The following SPMIP2 variants were observed in gnomAD, a reference collection of about 807,000 sequenced individuals.
SPMIP2 encodes sperm microtubule inner protein 2.
the SPMIP2 span, among the ~76,000 whole-genome samples, chr4:159,040,533 A>G: frequency 1.3e-5 from 2 of 151,426 alleles, no homozygotes; most frequent in Non-Finnish European, 2.9e-5. Flanking sequence ...TGGTGGGACC[A>G]TAGCTCACTA....
the SPMIP2 span, among the ~76,000 whole-genome samples, chr4:158,899,481 G>A: frequency 2.6e-5 from 4 of 152,166 alleles, no homozygotes. Flanking sequence ...ATCTGGTCCT[G>A]GACATTTTTT....
chr4:158,969,152 G>A, the SPMIP2 span, among the ~76,000 whole-genome samples: 1 of 152,158 alleles, frequency 6.6e-6, no homozygotes, highest in Non-Finnish European at 1.5e-5. Context: ...AAAACCAAAT[G>A]ACTTAAATCA....
the SPMIP2 span, among the ~76,000 whole-genome samples, chr4:159,038,950 C>A: frequency 2.7e-4 from 41 of 152,022 alleles, no homozygotes; most frequent in East Asian, 7.5e-3. Flanking sequence ...TAATGAGGAC[C>A]CCTGATGGTT....
the SPMIP2 span, among the ~76,000 whole-genome samples, chr4:158,982,750 A>C: frequency 6.6e-6 from 1 of 152,222 alleles, no homozygotes; most frequent in African/African-American, 2.4e-5. Flanking sequence ...TTATAGAGTA[A>C]ATGTCCACAG....
chr4:158,993,333 C>CTCCAT, the SPMIP2 span, among the ~76,000 whole-genome samples: 1 of 151,736 alleles, frequency 6.6e-6, no homozygotes, highest in East Asian at 1.9e-4. Flanking sequence ...TGCCACTGCA[C>CTCCAT]TCCAGCCTGG....
chr4:158,964,943 A>T, the SPMIP2 span, among the ~76,000 whole-genome samples: 10 of 152,308 alleles, frequency 6.6e-5, no homozygotes, highest in South Asian at 2.1e-3. Context: ...ACCTCCCACC[A>T]GGTCCTTTCC....
chr4:158,953,588 G>A, the SPMIP2 span, among the ~76,000 whole-genome samples: 8 of 152,290 alleles, frequency 5.3e-5, no homozygotes, highest in South Asian at 1.0e-3. Context: ...TGAGGAGAGG[G>A]CAACTGTCCT....
the SPMIP2 span, among the ~76,000 whole-genome samples, chr4:158,949,740 T>C: frequency 6.6e-6 from 1 of 152,224 alleles, no homozygotes; most frequent in Non-Finnish European, 1.5e-5. Flanking sequence ...CTCAATTCTG[T>C]GCTCTTTCAA....
chr4:158,900,843 T>G, the SPMIP2 span, among the ~76,000 whole-genome samples: 1 of 152,358 alleles, frequency 6.6e-6, no homozygotes, highest in East Asian at 1.9e-4. Context: ...GATTTAAGGT[T>G]AATATTGTTA....
At chr4:158,973,352 A>T in the SPMIP2 span, 1,031 of 1,254,710 alleles carry the variant, frequency 8.2e-4, 6 homozygotes, top group African/African-American at 0.013. Flanking sequence ...TCCACACTTT[A>T]TTCTAAGATA....
At chr4:158,988,984 C>T in the SPMIP2 span, among the ~76,000 whole-genome samples, 1 of 152,078 alleles carries the variant, frequency 6.6e-6, no homozygotes, top group Non-Finnish European at 1.5e-5. Context: ...TTTACAAAAC[C>T]CCACAGTCTC....
chr4:159,012,147 G>GT, the SPMIP2 span, among the ~76,000 whole-genome samples: 3 of 152,096 alleles, frequency 2.0e-5, no homozygotes, highest in Admixed American at 6.5e-5. Context: ...GCCAAGAACA[G>GT]TAGTTCCATG....
the SPMIP2 span, chr4:159,035,236 T>C: frequency 1.6e-6 from 1 of 643,944 alleles, no homozygotes; most frequent in South Asian, 2.0e-5. Flanking sequence ...TAATGACTCT[T>C]TATGACAGGG....
At chr4:158,903,682 G>A in the SPMIP2 span, among the ~76,000 whole-genome samples, 1 of 152,222 alleles carries the variant, frequency 6.6e-6, no homozygotes, top group South Asian at 2.1e-4. Flanking sequence ...AATCAGATCT[G>A]TATGTAGCAT....
the SPMIP2 span, among the ~76,000 whole-genome samples, chr4:158,942,100 C>T: frequency 6.6e-6 from 1 of 152,218 alleles, no homozygotes; most frequent in African/African-American, 2.4e-5. Flanking sequence ...GGCTGCTAGA[C>T]AGAAACAAGC....
chr4:158,960,558 C>A, the SPMIP2 span, among the ~76,000 whole-genome samples: 2 of 152,096 alleles, frequency 1.3e-5, no homozygotes, highest in Non-Finnish European at 2.9e-5. Context: ...AGACCCTATG[C>A]GCTTTACTTT....
At chr4:158,925,735 T>C in the SPMIP2 span, among the ~76,000 whole-genome samples, 1 of 152,232 alleles carries the variant, frequency 6.6e-6, no homozygotes, top group African/African-American at 2.4e-5. Context: ...TGTAGCTCAG[T>C]TCCTAACGGG....
At chr4:158,904,398 AGAAAT>A in the SPMIP2 span, 1 of 1,371,522 alleles carries the variant, frequency 7.3e-7, no homozygotes, top group Non-Finnish European at 1.0e-6. Context: ...TCTCATAAAA[AGAAAT>A]AATACTTTCT....
the SPMIP2 span, among the ~76,000 whole-genome samples, chr4:159,029,927 C>T: frequency 6.6e-6 from 1 of 151,862 alleles, no homozygotes; most frequent in African/African-American, 2.4e-5. Context: ...AAATTAGCAT[C>T]AAAAATGTAT....
Sources: gnomAD v4.1 joint callset for allele counts (sites outside exome capture counted in the v4.1 genomes callset) on GRCh38, gnomAD v4.1.1 for gene constraint, MANE v1.5 for transcripts, NCBI Gene and HGNC (gene_info 2026-07-23, HGNC 2026-07-21) for gene names.